Variants in PCDHGA9 observed in about 807,000 individuals in gnomAD.
PCDHGA9 encodes the protein protocadherin gamma subfamily A, 9, also known as protocadherin gamma-A9.
In PCDHGA9, 37 loss-of-function variants were observed where a neutral mutation model predicts 62.5. The ratio of observed to expected loss-of-function variants is 0.59; its 90% CI spans 0.46 to 0.78. The LOEUF (loss-of-function observed/expected upper bound fraction) is 0.78. Among genes scored for constraint, PCDHGA9 ranks in the 30% least tolerant of loss-of-function variants. The pLI is 0.00. For synonymous variants in PCDHGA9, 459 were observed against 484.6 expected, an observed-to-expected ratio of 0.95 and a Z score of 0.69; for missense variants, 1,138 against 1,166.2, an observed-to-expected ratio of 0.98 and a Z score of 0.35.
chr5:141,505,324 G>A, intron 2 of PCDHGA9, 69 bp from the exon 3 acceptor site: 2 of 1,607,104 alleles, frequency 1.2e-6, no homozygotes, highest in African/African-American at 1.3e-5. Context: ...GGAGCCCTGG[G>A]AGAGGACAGG....
Position 141,465,218 on chromosome 5 carries a change from A to G in PCDHGA9, c.2425-29589A>G, listed in dbSNP as rs151158068. ...ATAAAAATATAAGCTTTATTTTTCA[A>G]CATGAGCTCCATCAAGTTCAAGGCA... On this transcript the variant is annotated intron_variant, in intron 1 of 3. Coordinates refer to ENST00000573521, the MANE Select transcript of PCDHGA9 (RefSeq NM_018921.3). Among the ~76,000 whole-genome samples, 591 of 152,288 alleles carry G rather than the reference A, an allele frequency of 3.9e-3. 6 individuals carry two copies. The highest frequency in any genetic ancestry group is 0.011 in the Admixed American group (171 of 15,290).
intron 1 of PCDHGA9, chr5:141,412,079 T>C (rs148830663): frequency 3.3e-4 from 50 of 152,342 alleles, no homozygotes; most frequent in African/African-American, 1.1e-3. Context: ...GAACAATTGC[T>C]ACTGGGTTGA....
chr5:141,404,112 A>G lies in PCDHGA9; in HGVS notation c.1160A>G (p.Gln387Arg), dbSNP rs372014000. Residue 387 changes from glutamine (Q) to arginine (R), a missense_variant, in exon 1 of 4, where the codon CAG becomes CGG. Physicochemically the swap from Gln to Arg is conservative, Grantham distance 43. Coordinates refer to ENST00000573521, the MANE Select transcript of PCDHGA9 (RefSeq NM_018921.3). ...GKNGQVVCSI[Q>R]ENLSFTLENS... ...AATGGTCAAGTTGTCTGTTCTATCC[A>G]GGAGAATCTATCTTTTACATTAGAA... is the stretch of plus-strand genomic sequence containing the variant. 3 of 1,613,380 alleles carry G rather than the reference A, an allele frequency of 1.9e-6. No homozygotes were observed. The highest frequency in any genetic ancestry group is 2.5e-6 in the Non-Finnish European group (3 of 1,179,528).
At chr5:141,456,949 C>A (rs1277351419) in intron 1 of PCDHGA9, among the ~76,000 whole-genome samples, 2 of 152,080 alleles carry the variant, frequency 1.3e-5, no homozygotes, top group East Asian at 3.9e-4. Flanking sequence ...GGCAACAGAG[C>A]AAAACTCCAT....
chr5:141,409,824 C>T (rs1265260597), intron 1 of PCDHGA9: 1 of 1,610,860 alleles, frequency 6.2e-7, no homozygotes, highest in Non-Finnish European at 8.5e-7. Flanking sequence ...GGCTCGCCCA[C>T]GCTCAGCGCC....
At chr5:141,411,631 C>G (rs570915798) in intron 1 of PCDHGA9, 1 of 151,812 alleles carries the variant, frequency 6.6e-6, no homozygotes, top group South Asian at 2.1e-4. Context: ...TGCTGTAATC[C>G]CAGCACTTTG....
intron 1 of PCDHGA9, among the ~76,000 whole-genome samples, chr5:141,442,910 C>G (rs1419319938): frequency 6.6e-6 from 1 of 152,196 alleles, no homozygotes; most frequent in African/African-American, 2.4e-5. Flanking sequence ...TCCTTCAGCA[C>G]ACAACTGTTT....
At chr5:141,461,013 C>G (rs981329088) in intron 1 of PCDHGA9, among the ~76,000 whole-genome samples, 2 of 148,522 alleles carry the variant, frequency 1.3e-5, no homozygotes, top group Non-Finnish European at 3.0e-5. Flanking sequence ...ATATATATAC[C>G]ACATTTTCTT....
intron 1 of PCDHGA9, among the ~76,000 whole-genome samples, chr5:141,469,345 G>A (rs2099197832): frequency 6.6e-6 from 1 of 152,128 alleles, no homozygotes; most frequent in Non-Finnish European, 1.5e-5. Context: ...GGGAGGCTGA[G>A]GTGGATGGAT....
chr5:141,497,131 A>G (rs1269110126), intron 2 of PCDHGA9, among the ~76,000 whole-genome samples: 3 of 152,122 alleles, frequency 2.0e-5, no homozygotes, highest in Admixed American at 6.6e-5. Flanking sequence ...GGTTGCAGTG[A>G]GCTGAGATCA....
intron 1 of PCDHGA9, among the ~76,000 whole-genome samples, chr5:141,434,054 C>T (rs1241950753): frequency 6.6e-6 from 1 of 152,094 alleles, no homozygotes; most frequent in Non-Finnish European, 1.5e-5. Flanking sequence ...ATTCAATGGC[C>T]TGTAATCTGT....
chr5:141,481,208 A>G lies in PCDHGA9; in HGVS notation c.2425-13599A>G, dbSNP rs116577118. On this transcript the variant is annotated intron_variant, in intron 1 of 3. Coordinates refer to ENST00000573521, the MANE Select transcript of PCDHGA9 (RefSeq NM_018921.3). ...GCCAGGCCCAATTTTTTTAAAAAACATGGTAAGGTCTCCCAGCCTTAAAGT... is the reference window on the plus strand; with the variant it reads ...GCCAGGCCCAATTTTTTTAAAAAACGTGGTAAGGTCTCCCAGCCTTAAAGT... 3.5e-3 allele frequency among the ~76,000 whole-genome samples: 528 copies of G among 152,350 alleles called. 2 individuals carry two copies. Among genetic ancestry groups the G allele is most frequent in the African/African-American group, 0.012 (490 of 41,572 alleles).
chr5:141,418,542 T>G, intron 1 of PCDHGA9: 1 of 1,614,028 alleles, frequency 6.2e-7, no homozygotes, highest in Non-Finnish European at 8.5e-7. Flanking sequence ...ACTGCTCAGA[T>G]AAGAATCCTG....
In PCDHGA9 at chr5:141,403,729, C is replaced by G. The variant is rs1409756180; in HGVS notation, c.777C>G (p.Thr259=). The G allele has an allele frequency of 6.2e-7, 1 of 1,613,896 alleles. No individual in the cohort carries two copies. Among genetic ancestry groups the G allele is most frequent in the Non-Finnish European group, 8.5e-7 (1 of 1,179,890 alleles). The change falls in exon 1 of 4, where the codon ACC becomes ACG. Residue 259 remains threonine, a synonymous_variant. Coordinates refer to ENST00000573521, the MANE Select transcript of PCDHGA9 (RefSeq NM_018921.3). The stretch of plus-strand genomic sequence containing the variant: ...TCCTTGAGAACGTGCCCCCAGGCAC[C>G]TGGCTGCTTACTGCAACAGCCAGCG... ...VKVLENVPPG[T]WLLTATASDL...
chr5:141,429,234 T>C (rs2097199038), intron 1 of PCDHGA9: 1 of 152,114 alleles, frequency 6.6e-6, no homozygotes, highest in African/African-American at 2.4e-5. Context: ...ATGATACTGC[T>C]GTCATTGAGA....
chr5:141,492,894 G>A (rs2099744893), intron 1 of PCDHGA9, among the ~76,000 whole-genome samples: 1 of 152,202 alleles, frequency 6.6e-6, no homozygotes, highest in Admixed American at 6.5e-5. Flanking sequence ...GGCTTTTGGC[G>A]CCGTCGTGAT....
intron 1 of PCDHGA9, among the ~76,000 whole-genome samples, chr5:141,455,907 ATTTATTTT>A (rs1199495676): frequency 7.1e-5 from 9 of 126,872 alleles, no homozygotes; most frequent in African/African-American, 1.1e-4. Context: ...TTATTTATTT[ATTTATTTT>A]GAGACGGAGT....
At chr5:141,462,062 A>T (rs957948334) in intron 1 of PCDHGA9, among the ~76,000 whole-genome samples, 3 of 152,168 alleles carry the variant, frequency 2.0e-5, no homozygotes, top group African/African-American at 2.4e-5. Context: ...ACCTCAGGTG[A>T]TCTGCCCGCC....
intron 1 of PCDHGA9, chr5:141,410,800 T>G: frequency 1.5e-6 from 1 of 678,550 alleles, no homozygotes. Context: ...TAAGTTGCTC[T>G]ATCTTTTTGT....
Sources: allele counts gnomAD v4.1 joint callset (sites outside exome capture counted in the v4.1 genomes callset), GRCh38; gene constraint gnomAD v4.1.1; transcripts MANE v1.5; gene names NCBI Gene and HGNC (gene_info 2026-07-23, HGNC 2026-07-21).